Variants in ANAPC4 observed in about 807,000 individuals in gnomAD.
ANAPC4 encodes anaphase-promoting complex subunit 4.
ANAPC4 carries 63 observed loss-of-function variants against 119.8 expected under a neutral mutation model. That is an observed-to-expected ratio of 0.53 (90% CI 0.43 to 0.65). The LOEUF is 0.65. ANAPC4 is among the 30% of genes least tolerant of loss of function. The pLI, the probability that ANAPC4 is intolerant of heterozygous loss-of-function variation, is 0.00. For synonymous variants in ANAPC4, 283 were observed against 318.6 expected (o/e 0.89, Z 1.19); for missense variants, 716 against 945.1 (o/e 0.76, Z 3.18).
At position 25,402,853 on chromosome 4, in the gene ANAPC4, C is replaced by T. The variant is rs1417529823; in HGVS notation, c.1215-118C>T. On this transcript the variant is annotated intron_variant, in intron 16 of 28. Transcript: ENST00000315368. ...TCTGCTGTTCTAAAGACTTAAATGTCACCCAGATAGGATAAAATAGAACAG... is the reference window on the plus strand; with the variant it reads ...TCTGCTGTTCTAAAGACTTAAATGTTACCCAGATAGGATAAAATAGAACAG... 11 of 482,972 alleles carry T rather than the reference C, an allele frequency of 2.3e-5. No individual in the cohort carries two copies. In the South Asian group the frequency reaches 6.0e-4, roughly 26 times the overall value. The allele number at this position is 482,972 out of a possible 1,614,324, so 29.9% of individuals were successfully genotyped here. A position where few individuals can be genotyped will look rare whatever the true frequency, so the allele number is the denominator to read the frequency against.
intron 9 of ANAPC4, 93 bp downstream of exon 9, chr4:25,391,108 T>TC: frequency 1.1e-6 from 1 of 911,186 alleles, no homozygotes; most frequent in African/African-American, 1.7e-5. Context: ...ATTGTAATGA[T>TC]CATTAAAATA....
intron 4 of ANAPC4, among the ~76,000 whole-genome samples, chr4:25,385,899 A>C (rs915646749): frequency 1.3e-5 from 2 of 152,080 alleles, no homozygotes; most frequent in Admixed American, 1.3e-4. Flanking sequence ...GAACACTCAC[A>C]TTTCTCCATT....
At chr4:25,383,461 G>A (rs1721859146) in intron 4 of ANAPC4, 68 bp downstream of exon 4, 4 of 1,433,318 alleles carry the variant, frequency 2.8e-6, no homozygotes, top group Non-Finnish European at 3.7e-6. Flanking sequence ...TGGAAACTTA[G>A]GAGTATCTGA....
Position 25,409,693 on chromosome 4 carries a change from T to G in ANAPC4, c.1432-5T>G, listed in dbSNP as rs1487976148. The G allele has an allele frequency of 5.0e-6, 8 of 1,596,290 alleles. No individual in the cohort carries two copies. The highest frequency in any genetic ancestry group is 6.9e-6 in the Non-Finnish European group (8 of 1,165,652). ...AAACTTAAATTTCTAATTCTGTATT[T>G]CTAGTACTTGAAAGATGAAGATGAT... On this transcript the variant is annotated splice_polypyrimidine_tract_variant and splice_region_variant and intron_variant, in intron 20 of 28. Transcript: ENST00000315368.
chr4:25,400,228 A>G (rs1307179727), intron 16 of ANAPC4, among the ~76,000 whole-genome samples: 1 of 152,012 alleles, frequency 6.6e-6, no homozygotes, highest in East Asian at 1.9e-4. Flanking sequence ...TTATGTATGG[A>G]TGGAATGATC....
At position 25,417,616 on chromosome 4, in the gene ANAPC4, G is replaced by A. The variant is rs1432045830; in HGVS notation, c.2076G>A (p.Arg692=). The part of the protein sequence containing the change: ...EYQFTGTYST[R]LDEQCSAIPT... ...TGAGTTGGTTTTTTTCCCTCTTTAG[G>A]CTAGATGAACAGTGTAGTGCTATTC... The change falls in exon 28 of 29, where the codon AGG becomes AGA. Residue 692 remains arginine, a splice_region_variant and synonymous_variant. Coordinates refer to ENST00000315368, the MANE Select transcript of ANAPC4 (RefSeq NM_013367.3). 1.9e-6 allele frequency: 3 copies of A among 1,589,268 alleles called. No homozygotes were observed. The highest frequency in any genetic ancestry group is 2.6e-6 in the Non-Finnish European group (3 of 1,171,188).
chr4:25,390,320 C>T (rs921960377), intron 8 of ANAPC4, 100 bp downstream of exon 8: 12 of 762,128 alleles, frequency 1.6e-5, no homozygotes, highest in East Asian at 5.9e-5. Flanking sequence ...TTTTCAGTTT[C>T]GATTTTTGGA....
chr4:25,389,123 G>C (rs1398255998), intron 7 of ANAPC4, among the ~76,000 whole-genome samples: 6 of 151,036 alleles, frequency 4.0e-5, no homozygotes, highest in African/African-American at 9.7e-5. Flanking sequence ...CCTCCGAGTA[G>C]CTGGGACTAC....
intron 9 of ANAPC4, 116 bp downstream of exon 9, chr4:25,391,131 C>A: frequency 4.2e-6 from 3 of 721,260 alleles, no homozygotes; most frequent in Non-Finnish European, 6.6e-6. Context: ...GCAAAAAAAT[C>A]GACTTGGAAT....
chr4:25,382,786 G>A (rs1180276149), intron 3 of ANAPC4, among the ~76,000 whole-genome samples: 1 of 152,166 alleles, frequency 6.6e-6, no homozygotes, highest in Non-Finnish European at 1.5e-5. Flanking sequence ...AGAAAATTCA[G>A]CCACACTCAA....
Position 25,396,824 on chromosome 4 carries a change from C to T in ANAPC4, c.1163-24C>T, listed in dbSNP as rs777604588. 5.6e-6 allele frequency: 9 copies of T among 1,608,610 alleles called. No homozygotes were observed. The East Asian group carries it at 6.7e-5, about 12-fold the overall frequency. ...CACAGTTTACTTATTTGACAAATGA[C>T]GTTTATTTATTTTTTCCCTTTAGAA... On this transcript the variant is annotated intron_variant, in intron 15 of 28. Transcript: ENST00000315368.
chr4:25,384,266 G>C (rs1721903482), intron 4 of ANAPC4, among the ~76,000 whole-genome samples: 1 of 152,140 alleles, frequency 6.6e-6, no homozygotes, highest in Admixed American at 6.5e-5. Context: ...TCTAATTCTA[G>C]TTCTCTTGCT....
rs947675449 is a variant in ANAPC4, at chr4:25,377,314, C to A, written c.-41C>A. The A allele has an allele frequency of 4.0e-5, 56 of 1,416,882 alleles. No homozygotes were observed. The highest frequency in any genetic ancestry group is 5.3e-5 in the Non-Finnish European group (56 of 1,056,054). The allele number at this position is 1,416,882 out of a possible 1,614,324, so 87.8% of individuals were successfully genotyped here. A position where few individuals can be genotyped will look rare whatever the true frequency, so the allele number is the denominator to read the frequency against. Reference sequence around the variant, plus strand: ...GAGGGAGGGGAGAGGCCACTGGGGCCGTGTTAGTCTGCCGGTGGGGACTCT... The same window carrying A: ...GAGGGAGGGGAGAGGCCACTGGGGCAGTGTTAGTCTGCCGGTGGGGACTCT... On this transcript the variant is annotated 5_prime_UTR_variant, in exon 1 of 29. Coordinates refer to ENST00000315368, the MANE Select transcript of ANAPC4 (RefSeq NM_013367.3).
chr4:25,401,247 T>C (rs768690966), intron 16 of ANAPC4, among the ~76,000 whole-genome samples: 5 of 152,112 alleles, frequency 3.3e-5, no homozygotes, highest in Non-Finnish European at 7.4e-5. Flanking sequence ...TGCTTACTCA[T>C]GTTTATTCAG....
At chr4:25,398,797 T>C (rs978431563) in intron 16 of ANAPC4, among the ~76,000 whole-genome samples, 1 of 152,028 alleles carries the variant, frequency 6.6e-6, no homozygotes, top group African/African-American at 2.4e-5. Flanking sequence ...ATTAACAAGA[T>C]TTTCTCAATG....
intron 4 of ANAPC4, among the ~76,000 whole-genome samples, 170 bp downstream of exon 4, chr4:25,383,563 C>T (rs367623936): frequency 3.3e-5 from 5 of 151,150 alleles, no homozygotes; most frequent in African/African-American, 9.7e-5. Context: ...TTTTTCCTTC[C>T]GATAAACATC....
chr4:25,399,597 G>A (rs150355035), intron 16 of ANAPC4, among the ~76,000 whole-genome samples: 3 of 152,190 alleles, frequency 2.0e-5, no homozygotes, highest in East Asian at 1.9e-4. Context: ...CACAGTGTCC[G>A]TCATCCACCC....
rs140814638 is a variant in ANAPC4, at chr4:25,394,357, A to G, written c.924A>G (p.Leu308=). The change falls in exon 12 of 29, where the codon CTA becomes CTG. Residue 308 remains leucine (L), a synonymous_variant. Transcript: ENST00000315368. The part of the protein sequence containing the change: ...TSVQDEFMHL[L]LWGKASAELQ... ...TGCAAGATGAGTTCATGCACTTGCT[A>G]TTATGGGGGAAAGCAAGGTAATAAA... 7.0e-6 allele frequency: 11 copies of G among 1,579,166 alleles called. No homozygotes were observed. The highest frequency in any genetic ancestry group is 5.5e-5 in the African/African-American group (4 of 72,376).
At chr4:25,384,014 C>T (rs780558398) in intron 4 of ANAPC4, among the ~76,000 whole-genome samples, 2 of 152,200 alleles carry the variant, frequency 1.3e-5, no homozygotes, top group Non-Finnish European at 2.9e-5. Flanking sequence ...AGCATTTTAC[C>T]CAAGGTAGAA....
Sources: allele counts gnomAD v4.1 joint callset (sites outside exome capture counted in the v4.1 genomes callset), GRCh38; gene constraint gnomAD v4.1.1; transcripts MANE v1.5; gene names NCBI Gene and HGNC (gene_info 2026-07-23, HGNC 2026-07-21).